Variants in DNAH7 observed in about 807,000 individuals in gnomAD.
The protein encoded by DNAH7 is axonemal beta dynein heavy chain 7.
In DNAH7, 397 loss-of-function variants were observed where a neutral mutation model predicts 444.6. The observed-to-expected ratio is 0.89, with a 90% CI of 0.82 to 0.97. The LOEUF is 0.97. Ranked by LOEUF, DNAH7 falls within the 50% of genes least tolerant of loss-of-function variation. The probability of loss-of-function intolerance (pLI) is 0.00; values close to 1 mark genes in which losing one functional copy is unlikely to be tolerated. For missense variants in DNAH7, 4,902 were observed against 4,800.8 expected, an observed-to-expected ratio of 1.02 and a Z score of -0.62; for synonymous variants, 1,636 against 1,624.4, an observed-to-expected ratio of 1.01 and a Z score of -0.17.
chr2:195,933,204 C>A (rs894540431), intron 21 of DNAH7, among the ~76,000 whole-genome samples: 7 of 152,242 alleles, frequency 4.6e-5, no homozygotes, highest in East Asian at 1.9e-4. Context: ...CAATGAGATA[C>A]CATCTCACAC....
chr2:195,981,191 T>G (rs1692548351), intron 15 of DNAH7, among the ~76,000 whole-genome samples: 1 of 152,080 alleles, frequency 6.6e-6, no homozygotes, highest in Non-Finnish European at 1.5e-5. Flanking sequence ...CATTTACGTA[T>G]GCCAAAGGTG....
chr2:196,038,149 T>C (rs573135186), intron 5 of DNAH7, among the ~76,000 whole-genome samples: 2 of 152,112 alleles, frequency 1.3e-5, no homozygotes, highest in Admixed American at 6.5e-5. Context: ...TCAAGAATAC[T>C]ATACTTAGCA....
chr2:195,898,503 CTTCT>C (rs1686481038), intron 28 of DNAH7, among the ~76,000 whole-genome samples: 2 of 152,080 alleles, frequency 1.3e-5, no homozygotes, highest in Non-Finnish European at 2.9e-5. Context: ...AAAAAAATTC[CTTCT>C]TTCTATGCTT....
intron 21 of DNAH7, among the ~76,000 whole-genome samples, chr2:195,930,327 C>T (rs779893999): frequency 2.6e-5 from 4 of 151,916 alleles, no homozygotes; most frequent in East Asian, 1.9e-4. Context: ...GGTGACAGAG[C>T]GAGACACCGC....
intron 15 of DNAH7, among the ~76,000 whole-genome samples, chr2:195,977,746 G>A (rs1303806807): frequency 6.6e-6 from 1 of 152,034 alleles, no homozygotes; most frequent in East Asian, 1.9e-4. Flanking sequence ...CCTAAAAACA[G>A]CAAGAGAAAA....
At chr2:195,927,987 T>C (rs557529384) in intron 21 of DNAH7, among the ~76,000 whole-genome samples, 1 of 152,100 alleles carries the variant, frequency 6.6e-6, no homozygotes, top group Non-Finnish European at 1.5e-5. Context: ...ACAGGGGGTA[T>C]ATGTGCAGGT....
intron 15 of DNAH7, among the ~76,000 whole-genome samples, chr2:195,974,942 C>T (rs2125586463): frequency 6.6e-6 from 1 of 152,234 alleles, no homozygotes; most frequent in South Asian, 2.1e-4. Flanking sequence ...TATGTAATCA[C>T]TTTAACTCTT....
intron 5 of DNAH7, 49 bp from the exon 6 acceptor site, chr2:196,028,096 G>A (rs1210204706): frequency 2.0e-6 from 3 of 1,484,332 alleles, no homozygotes; most frequent in East Asian, 4.6e-5. Flanking sequence ...GGGGCAGTTA[G>A]AACATAAAAC....
At chr2:195,878,192 C>T (rs1701165920) in intron 36 of DNAH7, among the ~76,000 whole-genome samples, 1 of 152,128 alleles carries the variant, frequency 6.6e-6, no homozygotes, top group African/African-American at 2.4e-5. Context: ...ACTTAGCTTG[C>T]CTACATGATG....
chr2:196,062,905 C>T (rs1480522197), intron 1 of DNAH7, among the ~76,000 whole-genome samples: 1 of 152,166 alleles, frequency 6.6e-6, no homozygotes, highest in African/African-American at 2.4e-5. Context: ...TTGTTTGACA[C>T]AGAGTCTCAT....
chr2:195,941,644 C>A (rs770591246), intron 19 of DNAH7, among the ~76,000 whole-genome samples: 1 of 151,966 alleles, frequency 6.6e-6, no homozygotes, highest in Admixed American at 6.6e-5. Flanking sequence ...CTCAAGCCTG[C>A]CTGGTAAATT....
intron 61 of DNAH7, among the ~76,000 whole-genome samples, chr2:195,763,210 C>G (rs916363439): frequency 1.3e-5 from 2 of 151,982 alleles, no homozygotes; most frequent in African/African-American, 4.8e-5. Flanking sequence ...ACAGTGAAAA[C>G]AGTAGTAAGG....
chr2:195,976,776 A>AGAGAGAGAGAGAGAGAGAGG (rs1692231816), intron 15 of DNAH7, among the ~76,000 whole-genome samples: 2 of 151,280 alleles, frequency 1.3e-5, no homozygotes, highest in Non-Finnish European at 3.0e-5. Context: ...AGAGAGAGAG[A>AGAGAGAGAGAGAGAGAGAGG]GAGAGAGAGA....
intron 48 of DNAH7, among the ~76,000 whole-genome samples, chr2:195,828,350 C>T (rs546967379): frequency 1.8e-4 from 27 of 151,914 alleles, no homozygotes; most frequent in Admixed American, 2.6e-4. Context: ...TTTGGGAGGC[C>T]GAGGCGGGCG....
chr2:195,832,429 G>GT (rs1574515559), intron 48 of DNAH7, among the ~76,000 whole-genome samples: 1 of 150,852 alleles, frequency 6.6e-6, no homozygotes, highest in Non-Finnish European at 1.5e-5. Context: ...TCTGTTTTTG[G>GT]TTTTTTCTTT....
intron 31 of DNAH7, 139 bp downstream of exon 31, chr2:195,891,516 C>T: frequency 2.7e-6 from 2 of 745,642 alleles, no homozygotes; most frequent in Non-Finnish European, 3.8e-6. Flanking sequence ...AGAAATACTG[C>T]CAGAATATCC....
intron 64 of DNAH7, 57 bp from the exon 65 acceptor site, chr2:195,738,184 T>C: frequency 6.8e-7 from 1 of 1,463,080 alleles, no homozygotes; most frequent in Non-Finnish European, 9.5e-7. Flanking sequence ...AATGTACATG[T>C]GTTTGAGCCT....
chr2:195,994,854 G>A (rs1693588398), intron 12 of DNAH7: 2 of 425,090 alleles, frequency 4.7e-6, no homozygotes, highest in Admixed American at 3.2e-5. Context: ...GACTGAGCTT[G>A]GTTGCTTCTT....
chr2:195,783,915 CTTTT>C (rs930456600), intron 58 of DNAH7, among the ~76,000 whole-genome samples: 1 of 147,596 alleles, frequency 6.8e-6, no homozygotes, highest in Non-Finnish European at 1.5e-5. Flanking sequence ...CTGATTTGTA[CTTTT>C]TTTTTTTAAG....
Sources: gnomAD v4.1 joint callset for allele counts (sites outside exome capture counted in the v4.1 genomes callset) on GRCh38, gnomAD v4.1.1 for gene constraint, MANE v1.5 for transcripts, NCBI Gene and HGNC (gene_info 2026-07-23, HGNC 2026-07-21) for gene names.